Variants in STON2 observed in about 807,000 individuals in gnomAD.
STON2 encodes stonin-2.
Under a neutral mutation model 65.7 loss-of-function variants are expected in STON2, and 29 were observed. The observed-to-expected ratio is 0.44, with a 90% CI of 0.33 to 0.60. The LOEUF is 0.60. Ranked by LOEUF, STON2 falls within the 20% of genes least tolerant of loss-of-function variation. The pLI, the probability that STON2 is intolerant of heterozygous loss-of-function variation, is 0.03. For missense variants in STON2, 1,054 were observed against 1,118.1 expected, an observed-to-expected ratio of 0.94 and a Z score of 0.82; for synonymous variants, 404 against 414.2, an observed-to-expected ratio of 0.98 and a Z score of 0.30.
chr14:81,266,828 A>C lies in STON2; in HGVS notation c.*1586T>G, dbSNP rs367726393. 2 of 226,646 alleles carry C rather than the reference A, an allele frequency of 8.8e-6. No individual in the cohort carries two copies. Among genetic ancestry groups the C allele is most frequent in the Non-Finnish European group, 1.2e-5 (2 of 160,206 alleles). The allele number at this position is 226,646 out of a possible 1,614,324, so 14.0% of individuals were successfully genotyped here. ...ACACCACACACATAAACACACACAAACACACACATCCACAAACACACACTC... is the reference window on the plus strand; with the variant it reads ...ACACCACACACATAAACACACACAACCACACACATCCACAAACACACACTC... On this transcript the variant is annotated 3_prime_UTR_variant, in exon 8 of 8. Transcript: ENST00000614646.
intron 5 of STON2, among the ~76,000 whole-genome samples, chr14:81,313,794 CAAA>C (rs1458066137): frequency 2.0e-5 from 2 of 98,504 alleles, no homozygotes. Flanking sequence ...GACTCCGTCT[CAAA>C]AAAAAAAAAA....
chr14:81,404,824 T>C (rs1900768714), upstream of STON2, among the ~76,000 whole-genome samples: 1 of 152,230 alleles, frequency 6.6e-6, no homozygotes, highest in Non-Finnish European at 1.5e-5. Context: ...ATATTCCTAT[T>C]GGACAGCAAT....
chr14:81,309,784 T>C (rs1306929280), intron 5 of STON2, among the ~76,000 whole-genome samples: 1 of 152,230 alleles, frequency 6.6e-6, no homozygotes, highest in Non-Finnish European at 1.5e-5. Context: ...ATGTATTTCC[T>C]GTGGAGAGTT....
chr14:81,304,561 A>C (rs59424201), intron 5 of STON2, among the ~76,000 whole-genome samples: 126 of 152,232 alleles, frequency 8.3e-4, no homozygotes, highest in African/African-American at 3.0e-3. Context: ...TGTCTCCACA[A>C]AAAATATCAA....
At chr14:81,325,627 T>A (rs1246070548) in intron 4 of STON2, among the ~76,000 whole-genome samples, 1 of 152,212 alleles carries the variant, frequency 6.6e-6, no homozygotes, top group Non-Finnish European at 1.5e-5. Context: ...AAAGCATATA[T>A]GACTACCCTC....
At chr14:81,392,220 G>A (rs1900111246) in intron 3 of STON2, among the ~76,000 whole-genome samples, 1 of 152,080 alleles carries the variant, frequency 6.6e-6, no homozygotes, top group Admixed American at 6.6e-5. Flanking sequence ...GAGGGGAGGG[G>A]GTTCCCAGAA....
At chr14:81,274,977 T>C (rs1894753350) in intron 6 of STON2, among the ~76,000 whole-genome samples, 1 of 152,110 alleles carries the variant, frequency 6.6e-6, no homozygotes, top group South Asian at 2.1e-4. Context: ...GTCCTAAGGC[T>C]ACATGCTGAG....
chr14:81,313,572 A>C (rs749645605), intron 5 of STON2, among the ~76,000 whole-genome samples: 1 of 152,062 alleles, frequency 6.6e-6, no homozygotes, highest in Non-Finnish European at 1.5e-5. Flanking sequence ...AGGCAGGTAG[A>C]TCACTTGAGG....
chr14:81,324,809 A>G, intron 4 of STON2, among the ~76,000 whole-genome samples: 1 of 152,246 alleles, frequency 6.6e-6, no homozygotes, highest in East Asian at 1.9e-4. Flanking sequence ...CCTGAAATGA[A>G]GCCTTTCACA....
At chr14:81,359,421 A>G (rs1006602019) in intron 4 of STON2, among the ~76,000 whole-genome samples, 1 of 152,216 alleles carries the variant, frequency 6.6e-6, no homozygotes, top group African/African-American at 2.4e-5. Flanking sequence ...GAACACCTAC[A>G]TCAAAAAATA....
intron 3 of STON2, among the ~76,000 whole-genome samples, chr14:81,386,492 T>C (rs2140411039): frequency 6.6e-6 from 1 of 152,358 alleles, no homozygotes; most frequent in East Asian, 1.9e-4. Flanking sequence ...AAGTGGCTCT[T>C]TCTCTGGTCC....
intron 6 of STON2, among the ~76,000 whole-genome samples, chr14:81,271,102 C>T (rs1484291882): frequency 6.6e-6 from 1 of 152,076 alleles, no homozygotes; most frequent in East Asian, 1.9e-4. Context: ...GGTATCCTAG[C>T]AATAAAACCC....
Position 81,264,998 on chromosome 14 carries a change from A to C in STON2, c.*3416T>G. On this transcript the variant is annotated 3_prime_UTR_variant, in exon 8 of 8. Coordinates refer to ENST00000614646, the MANE Select transcript of STON2 (RefSeq NM_001394390.1). The stretch of plus-strand genomic sequence containing the variant: ...CACGTGATATCTAATTTATGTTCTA[A>C]GAGTAATACTATGTACTGGTAAAAT... The C allele has an allele frequency of 7.1e-6, 7 of 982,746 alleles. No individual in the cohort carries two copies. The highest frequency in any genetic ancestry group is 7.3e-6 in the Non-Finnish European group (6 of 827,560). The allele number at this position is 982,746 out of a possible 1,614,324, so 60.9% of individuals were successfully genotyped here. A position where few individuals can be genotyped will look rare whatever the true frequency, so the allele number is the denominator to read the frequency against.
chr14:81,308,121 T>C (rs1896254451), intron 5 of STON2, among the ~76,000 whole-genome samples: 1 of 152,216 alleles, frequency 6.6e-6, no homozygotes, highest in Admixed American at 6.5e-5. Flanking sequence ...CTGAAAGGAC[T>C]TCCCAAACAG....
intron 4 of STON2, among the ~76,000 whole-genome samples, chr14:81,357,408 TG>T (rs1015654172): frequency 1.3e-5 from 2 of 151,940 alleles, no homozygotes; most frequent in African/African-American, 4.8e-5. Flanking sequence ...CAACAGGTGC[TG>T]GAGAGGATGT....
At chr14:81,291,784 C>A (rs1366878942) in intron 5 of STON2, among the ~76,000 whole-genome samples, 1 of 148,800 alleles carries the variant, frequency 6.7e-6, no homozygotes, top group Non-Finnish European at 1.5e-5. Context: ...ATGATTAAAC[C>A]TTTGTAGAAA....
At chr14:81,283,763 T>C (rs1258176793) in intron 5 of STON2, among the ~76,000 whole-genome samples, 3 of 152,154 alleles carry the variant, frequency 2.0e-5, no homozygotes, top group African/African-American at 7.2e-5. Context: ...TCTCCTGACC[T>C]CATGATCCGC....
At chr14:81,357,689 C>T (rs977245282) in intron 4 of STON2, among the ~76,000 whole-genome samples, 1 of 152,020 alleles carries the variant, frequency 6.6e-6, no homozygotes, top group Admixed American at 6.6e-5. Context: ...ACATATACAC[C>T]ATGGAATACT....
Position 81,320,304 on chromosome 14 carries a change from T to C in STON2, c.742+3713A>G, listed in dbSNP as rs1896775469. On this transcript the variant is annotated intron_variant, in intron 5 of 7. Transcript: ENST00000614646. ...CACACCTTCACTTCTATGAATTCTG[T>C]TGGCTAAAGTAAGTAAAAAGGCCAA... Among the ~76,000 whole-genome samples the C allele has an allele frequency of 2.0e-5, 3 of 150,352 alleles. No homozygotes were observed. In the Admixed American group the frequency reaches 2.0e-4, roughly 10 times the overall value.
Sources: allele counts gnomAD v4.1 joint callset (sites outside exome capture counted in the v4.1 genomes callset), GRCh38; gene constraint gnomAD v4.1.1; transcripts MANE v1.5; gene names NCBI Gene and HGNC (gene_info 2026-07-23, HGNC 2026-07-21).